The following ITGB8 variants were observed in gnomAD, a reference collection of about 807,000 sequenced individuals.
ITGB8 encodes integrin subunit beta 8.
Under a neutral mutation model 89.5 loss-of-function variants are expected in ITGB8, and 30 were observed. The ratio of observed to expected loss-of-function variants is 0.34; its 90% CI spans 0.25 to 0.45. The LOEUF (loss-of-function observed/expected upper bound fraction) is 0.45, where lower values mean the gene tolerates loss of function less well. Ranked by LOEUF, ITGB8 falls within the 20% of genes least tolerant of loss-of-function variation. ITGB8 has a pLI of 1.00. For missense variants in ITGB8, 836 were observed against 933.3 expected (o/e 0.90, Z 1.36); for synonymous variants, 335 against 320.4 (o/e 1.05, Z -0.49).
At chr7:20,404,374 T>C (rs1787445802) in intron 10 of ITGB8, among the ~76,000 whole-genome samples, 1 of 152,214 alleles carries the variant, frequency 6.6e-6, no homozygotes, top group African/African-American at 2.4e-5. Context: ...TGGCAGCCAC[T>C]GAAGCAGGGG....
chr7:20,396,131 A>G (rs1336324219), intron 8 of ITGB8, among the ~76,000 whole-genome samples: 1 of 152,184 alleles, frequency 6.6e-6, no homozygotes, highest in East Asian at 1.9e-4. Flanking sequence ...CAGGAAGTAG[A>G]CACAATATAT....
chr7:20,365,487 C>T (rs931362225), intron 2 of ITGB8: 1 of 152,120 alleles, frequency 6.6e-6, no homozygotes, highest in Non-Finnish European at 1.5e-5. Flanking sequence ...GATTTCCATA[C>T]CTCTAAAATG....
intron 1 of ITGB8, among the ~76,000 whole-genome samples, chr7:20,353,553 CTA>C (rs1367859628): frequency 6.6e-6 from 1 of 152,186 alleles, no homozygotes; most frequent in East Asian, 1.9e-4. Flanking sequence ...TAAAAAAAGA[CTA>C]TTTTAACTTA....
At chr7:20,334,090 C>T (rs1047914374) in intron 1 of ITGB8, among the ~76,000 whole-genome samples, 3 of 152,080 alleles carry the variant, frequency 2.0e-5, no homozygotes, top group Admixed American at 2.0e-4. Flanking sequence ...ATTTTTAAAG[C>T]AGAATTTATA....
chr7:20,359,530 G>T (rs182260496), intron 1 of ITGB8, among the ~76,000 whole-genome samples: 87 of 152,300 alleles, frequency 5.7e-4, no homozygotes, highest in Non-Finnish European at 1.0e-3. Flanking sequence ...GAGGGCAAAT[G>T]AACTAGGTAG....
At chr7:20,387,627 C>A (rs1323058150) in intron 6 of ITGB8, among the ~76,000 whole-genome samples, 1 of 152,202 alleles carries the variant, frequency 6.6e-6, no homozygotes, top group Non-Finnish European at 1.5e-5. Flanking sequence ...ACTGTCATAA[C>A]TGTGGAAAGA....
At chr7:20,348,819 C>G (rs1785015831) in intron 1 of ITGB8, among the ~76,000 whole-genome samples, 1 of 152,102 alleles carries the variant, frequency 6.6e-6, no homozygotes. Context: ...CCAGTGGGAA[C>G]AAGGAGAATA....
intron 1 of ITGB8, among the ~76,000 whole-genome samples, chr7:20,337,378 T>C (rs562723815): frequency 2.0e-5 from 3 of 151,114 alleles, no homozygotes; most frequent in South Asian, 4.2e-4. Flanking sequence ...CTTTAATGAC[T>C]ATTCATTCAG....
rs1043033981 is a variant in ITGB8 at position 20,391,515 on chromosome 7, A to G, written c.1056+17A>G. The G allele has an allele frequency of 7.3e-7, 1 of 1,364,594 alleles. No individual in the cohort carries two copies. Among genetic ancestry groups the G allele is most frequent in the African/African-American group, 1.5e-5 (1 of 67,312 alleles). The allele number at this position is 1,364,594 out of a possible 1,614,324, so 84.5% of individuals were successfully genotyped here. Reference sequence around the variant, plus strand: ...TGGTATAAGGTATGTTAACTCTGAAAATGTTAAAATTAAATTTTTTTCATT... The same window carrying G: ...TGGTATAAGGTATGTTAACTCTGAAGATGTTAAAATTAAATTTTTTTCATT... On this transcript the variant is annotated intron_variant, in intron 7 of 13. Transcript: ENST00000222573.
At chr7:20,370,674 G>A (rs796517345) in intron 3 of ITGB8, among the ~76,000 whole-genome samples, 18 of 151,372 alleles carry the variant, frequency 1.2e-4, no homozygotes, top group African/African-American at 3.2e-4. Context: ...ACAGTGGTGC[G>A]ATCTCAGCTC....
chr7:20,354,431 G>A (rs972933823), intron 1 of ITGB8, among the ~76,000 whole-genome samples: 2 of 152,160 alleles, frequency 1.3e-5, no homozygotes, highest in African/African-American at 2.4e-5. Flanking sequence ...TCAAAACTCA[G>A]ATGAAAATTC....
At chr7:20,406,606 A>T (rs1787556112) in intron 12 of ITGB8, among the ~76,000 whole-genome samples, 1 of 150,944 alleles carries the variant, frequency 6.6e-6, no homozygotes, top group Admixed American at 6.6e-5. Flanking sequence ...ACATTGCTTT[A>T]TTCTTTATAA....
chr7:20,403,856 A>G (rs1215509600), intron 10 of ITGB8, among the ~76,000 whole-genome samples: 1 of 152,228 alleles, frequency 6.6e-6, no homozygotes, highest in East Asian at 1.9e-4. Context: ...CATCATGTGA[A>G]ATGTACCCCC....
In ITGB8 at chr7:20,410,096, G is replaced by A. The variant is rs146719661; in HGVS notation, c.*99G>A. On this transcript the variant is annotated 3_prime_UTR_variant, in exon 14 of 14. Transcript: ENST00000222573. ...TCACAGGAGGAGACAAATTGCTCAC[G>A]GTCATGCCAGTTGCTGGTTGTACAC... 2.7e-5 allele frequency: 33 copies of A among 1,207,622 alleles called. No individual in the cohort carries two copies. In the African/African-American group the frequency reaches 2.8e-4, roughly 10 times the overall value. The allele number at this position is 1,207,622 out of a possible 1,614,324, so 74.8% of individuals were successfully genotyped here.
intron 8 of ITGB8, among the ~76,000 whole-genome samples, chr7:20,395,885 C>G (rs756905184): frequency 2.6e-5 from 4 of 152,214 alleles, no homozygotes; most frequent in Non-Finnish European, 5.9e-5. Context: ...GGTGCTTCCT[C>G]CTCTGCGATA....
At chr7:20,350,240 C>G (rs369284977) in intron 1 of ITGB8, among the ~76,000 whole-genome samples, 1 of 152,174 alleles carries the variant, frequency 6.6e-6, no homozygotes, top group Non-Finnish European at 1.5e-5. Context: ...CTCCACCTCT[C>G]AGGTTGAAGC....
At chr7:20,358,655 G>A (rs1000154280) in intron 1 of ITGB8, among the ~76,000 whole-genome samples, 2 of 152,044 alleles carry the variant, frequency 1.3e-5, no homozygotes, top group Non-Finnish European at 2.9e-5. Flanking sequence ...CACCCACCTC[G>A]GCCTCCCAAA....
intron 1 of ITGB8, among the ~76,000 whole-genome samples, chr7:20,349,159 C>T (rs1029261467): frequency 2.0e-5 from 3 of 152,090 alleles, no homozygotes; most frequent in Non-Finnish European, 4.4e-5. Context: ...TATAATAATT[C>T]AGAGTTCCTT....
intron 1 of ITGB8, among the ~76,000 whole-genome samples, chr7:20,350,340 GT>G (rs1014189362): frequency 2.0e-5 from 3 of 152,152 alleles, no homozygotes; most frequent in African/African-American, 7.2e-5. Flanking sequence ...TAGAGACGGG[GT>G]TTTGCCATGT....
Sources: gnomAD v4.1 joint callset for allele counts (sites outside exome capture counted in the v4.1 genomes callset) on GRCh38, gnomAD v4.1.1 for gene constraint, MANE v1.5 for transcripts, NCBI Gene and HGNC (gene_info 2026-07-23, HGNC 2026-07-21) for gene names.